ARHGAP12: variants seen among roughly 807,000 people sequenced by gnomAD.
The protein encoded by ARHGAP12 is Rho GTPase activating protein 12.
ARHGAP12 carries 64 observed loss-of-function variants against 108.6 expected under a neutral mutation model. That is an observed-to-expected ratio of 0.59 (90% CI 0.48 to 0.73). The LOEUF (loss-of-function observed/expected upper bound fraction) is 0.73, where lower values mean the gene tolerates loss of function less well. Among genes scored for constraint, ARHGAP12 ranks in the 30% least tolerant of loss-of-function variants. The pLI is 0.00. For synonymous variants in ARHGAP12, 312 were observed against 337.2 expected (o/e 0.93, Z 0.82); for missense variants, 940 against 1,005.9 (o/e 0.93, Z 0.89).
chr10:31,927,983 G>A (rs1166665910), intron 1 of ARHGAP12, among the ~76,000 whole-genome samples: 1 of 152,188 alleles, frequency 6.6e-6, no homozygotes, highest in Non-Finnish European at 1.5e-5. Flanking sequence ...GCGAATGCAC[G>A]TCCATCCAGC....
At chr10:31,816,964 A>G (rs758876225) in intron 13 of ARHGAP12, among the ~76,000 whole-genome samples, 1 of 152,200 alleles carries the variant, frequency 6.6e-6, no homozygotes. Context: ...TATCAGTAGT[A>G]TCTTTCATTT....
rs1406516039 is a variant in ARHGAP12, at chr10:31,825,823, C to T, written c.1530+481G>A. Among the ~76,000 whole-genome samples, 4 of 152,194 alleles carry T rather than the reference C, an allele frequency of 2.6e-5. No individual in the cohort carries two copies. The East Asian group carries it at 7.7e-4, about 29-fold the overall frequency. Reference sequence around the variant, plus strand: ...AAATATATAAAAAGCTTCAAAATCCCACAAGTAATGTGACATTTCTTTTTC... The same window carrying T: ...AAATATATAAAAAGCTTCAAAATCCTACAAGTAATGTGACATTTCTTTTTC... On this transcript the variant is annotated intron_variant, in intron 11 of 19. Coordinates refer to ENST00000344936, the MANE Select transcript of ARHGAP12 (RefSeq NM_018287.7).
At chr10:31,876,558 A>C (rs1564405429) in intron 3 of ARHGAP12, among the ~76,000 whole-genome samples, 1 of 151,728 alleles carries the variant, frequency 6.6e-6, no homozygotes, top group East Asian at 1.9e-4. Context: ...AAAAAAAAAA[A>C]AACCCACTAA....
chr10:31,847,927 G>A (rs1371094581), intron 6 of ARHGAP12, among the ~76,000 whole-genome samples: 1 of 152,114 alleles, frequency 6.6e-6, no homozygotes, highest in African/African-American at 2.4e-5. Context: ...GCTTTACTTG[G>A]CTTAAAATGT....
At chr10:31,818,510 TGC>T (rs1362801254) in intron 12 of ARHGAP12, among the ~76,000 whole-genome samples, 8 of 152,220 alleles carry the variant, frequency 5.3e-5, no homozygotes, top group African/African-American at 1.9e-4. Flanking sequence ...ATCTCTGTTT[TGC>T]AGTTTCTTAA....
chr10:31,896,077 C>CGGG (rs925403182), intron 3 of ARHGAP12, among the ~76,000 whole-genome samples: 1 of 148,608 alleles, frequency 6.7e-6, no homozygotes, highest in Non-Finnish European at 1.5e-5. Flanking sequence ...CATCACACAC[C>CGGG]GGGGCCTGTT....
At chr10:31,860,326 C>T (rs1837067601) in intron 4 of ARHGAP12, among the ~76,000 whole-genome samples, 1 of 152,186 alleles carries the variant, frequency 6.6e-6, no homozygotes, top group African/African-American at 2.4e-5. Context: ...TCTATAACAG[C>T]CGGATGTCCT....
intron 3 of ARHGAP12, among the ~76,000 whole-genome samples, chr10:31,874,929 G>T (rs1837669614): frequency 7.4e-6 from 1 of 135,676 alleles, no homozygotes; most frequent in Admixed American, 8.6e-5. Flanking sequence ...AGCCAAGATG[G>T]CGCCACAGCA....
At chr10:31,825,108 G>GT (rs1308794572) in intron 11 of ARHGAP12, among the ~76,000 whole-genome samples, 1 of 152,090 alleles carries the variant, frequency 6.6e-6, no homozygotes, top group Non-Finnish European at 1.5e-5. Flanking sequence ...TAAAAGATTA[G>GT]TAAAACAAAA....
rs113359227 is a variant in ARHGAP12, at chr10:31,805,844, T to C, written c.*1814A>G. The C allele has an allele frequency of 5.3e-5, 8 of 152,280 alleles. No individual in the cohort carries two copies. The highest frequency in any genetic ancestry group is 1.7e-4 in the African/African-American group (7 of 41,566). The allele number at this position is 152,280 out of a possible 1,614,324, so 9.4% of individuals were successfully genotyped here. On this transcript the variant is annotated 3_prime_UTR_variant, in exon 20 of 20. Transcript: ENST00000344936. ...CATATTGTATTATTAAGGACATCTT[T>C]AGGCAAATATAAACATTCTGATTTA...
intron 1 of ARHGAP12, among the ~76,000 whole-genome samples, chr10:31,927,183 G>C (rs978525571): frequency 6.6e-6 from 1 of 152,136 alleles, no homozygotes; most frequent in African/African-American, 2.4e-5. Flanking sequence ...CGCTTTCACT[G>C]CCTGCTTTGG....
At chr10:31,855,038 G>T (rs558685162) in intron 4 of ARHGAP12, among the ~76,000 whole-genome samples, 7 of 111,478 alleles carry the variant, frequency 6.3e-5, no homozygotes, top group Non-Finnish European at 1.3e-4. Flanking sequence ...AGGAGGGGAG[G>T]GGGAGGGGAT....
At chr10:31,810,821 G>A (rs1192944042) in intron 15 of ARHGAP12, 74 bp from the exon 16 acceptor site, 24 of 1,137,506 alleles carry the variant, frequency 2.1e-5, no homozygotes, top group Non-Finnish European at 3.0e-5. Context: ...ACCATTCAGA[G>A]TGCAACAGAA....
chr10:31,843,792 C>T (rs138157951), intron 6 of ARHGAP12, among the ~76,000 whole-genome samples: 11 of 152,298 alleles, frequency 7.2e-5, no homozygotes, highest in African/African-American at 1.9e-4. Flanking sequence ...TGGTGTTACA[C>T]AGACCAAGGT....
chr10:31,859,599 C>CCA (rs1455561357), intron 4 of ARHGAP12, among the ~76,000 whole-genome samples: 1 of 118,100 alleles, frequency 8.5e-6, no homozygotes, highest in African/African-American at 2.9e-5. Context: ...AATTGAGACC[C>CCA]TGTATACATA....
chr10:31,876,712 G>A (rs955909021), intron 3 of ARHGAP12, among the ~76,000 whole-genome samples: 17 of 152,082 alleles, frequency 1.1e-4, no homozygotes, highest in Admixed American at 1.0e-3. Context: ...CCATCCCCAG[G>A]AAGAGAAATA....
chr10:31,893,121 A>G lies in ARHGAP12; in HGVS notation c.684+15051T>C, dbSNP rs537238336. On this transcript the variant is annotated intron_variant, in intron 3 of 19. Coordinates refer to ENST00000344936, the MANE Select transcript of ARHGAP12 (RefSeq NM_018287.7). ...AAGCAGTGTGTAAAGGGAAATTTATAGCACTAAATGCCCACAAGAGAAAGC... is the reference window on the plus strand; with the variant it reads ...AAGCAGTGTGTAAAGGGAAATTTATGGCACTAAATGCCCACAAGAGAAAGC... 9.3e-4 allele frequency among the ~76,000 whole-genome samples: 141 copies of G among 152,358 alleles called. 1 individual carries two copies. Among genetic ancestry groups the G allele is most frequent in the Middle Eastern group, 3.4e-3 (1 of 294 alleles).
At chr10:31,893,049 C>A (rs1256573469) in intron 3 of ARHGAP12, among the ~76,000 whole-genome samples, 1 of 152,080 alleles carries the variant, frequency 6.6e-6, no homozygotes, top group African/African-American at 2.4e-5. Flanking sequence ...TCTTTGAAAC[C>A]AACAAGAACA....
intron 19 of ARHGAP12, among the ~76,000 whole-genome samples, chr10:31,808,281 C>CA (rs2132131148): frequency 6.6e-6 from 1 of 151,804 alleles, no homozygotes; most frequent in African/African-American, 2.4e-5. Flanking sequence ...TACTTTCTAT[C>CA]AGATGAAAGA....
Sources: gnomAD v4.1 joint callset for allele counts (sites outside exome capture counted in the v4.1 genomes callset) on GRCh38, gnomAD v4.1.1 for gene constraint, MANE v1.5 for transcripts, NCBI Gene and HGNC (gene_info 2026-07-23, HGNC 2026-07-21) for gene names.